Variants in ANKRD12 observed in about 807,000 individuals in gnomAD.
The protein encoded by ANKRD12 is ankyrin repeat domain-containing protein 12.
A neutral mutation model predicts 183.4 loss-of-function variants in ANKRD12; 85 were observed. The observed-to-expected ratio is 0.46, with a 90% CI of 0.39 to 0.56. The LOEUF (loss-of-function observed/expected upper bound fraction) is 0.56. Ranked by LOEUF, ANKRD12 falls within the 20% of genes least tolerant of loss-of-function variation. ANKRD12 has a pLI of 0.00. For synonymous variants in ANKRD12, 914 were observed against 800.2 expected (o/e 1.14, Z -2.40); for missense variants, 2,405 against 2,357.1 (o/e 1.02, Z -0.42).
chr18:9,148,545 C>T (rs1327780992), intron 1 of ANKRD12, among the ~76,000 whole-genome samples: 1 of 152,058 alleles, frequency 6.6e-6, no homozygotes, highest in Non-Finnish European at 1.5e-5. Context: ...TTATTTATTA[C>T]TATTAGAAGA....
At chr18:9,266,092 G>A (rs901675253) in intron 10 of ANKRD12, among the ~76,000 whole-genome samples, 1 of 152,184 alleles carries the variant, frequency 6.6e-6, no homozygotes, top group African/African-American at 2.4e-5. Flanking sequence ...AACGAACAAA[G>A]CCTCCAGGAA....
intron 1 of ANKRD12, among the ~76,000 whole-genome samples, chr18:9,139,886 A>G (rs2078258368): frequency 6.6e-6 from 1 of 151,912 alleles, no homozygotes; most frequent in Non-Finnish European, 1.5e-5. Context: ...GTCTGCAGCT[A>G]GTTAAAAACT....
At chr18:9,194,885 A>G (rs899802254) in intron 2 of ANKRD12, among the ~76,000 whole-genome samples, 5 of 152,208 alleles carry the variant, frequency 3.3e-5, no homozygotes, top group Non-Finnish European at 5.9e-5. Flanking sequence ...ATACATGCCT[A>G]TGTTCATTGC....
rs530011546 is a variant in ANKRD12 at position 9,179,601 on chromosome 18, G to A, written c.-51-2781G>A. On this transcript the variant is annotated intron_variant, in intron 1 of 12. Transcript: ENST00000262126. ...CGTGATCATGGCTCACTGCAGCCTC[G>A]ACCTCCTGGGCTCAAGCAATCCTCC... is the stretch of plus-strand genomic sequence containing the variant. 1.4e-4 allele frequency among the ~76,000 whole-genome samples: 22 copies of A among 152,050 alleles called. No homozygotes were observed. The South Asian group carries it at 4.6e-3, about 32-fold the overall frequency.
chr18:9,259,379 C>G (rs1259265484), intron 9 of ANKRD12: 1 of 150,388 alleles, frequency 6.6e-6, no homozygotes, highest in East Asian at 1.9e-4. Context: ...ACGTGTTTAA[C>G]AACATAAACA....
intron 8 of ANKRD12, among the ~76,000 whole-genome samples, chr18:9,232,789 T>C (rs2037125543): frequency 6.6e-6 from 1 of 152,192 alleles, no homozygotes; most frequent in Non-Finnish European, 1.5e-5. Context: ...CACAAAGACT[T>C]TGTTCATTCT....
At chr18:9,193,776 C>T (rs1474107463) in intron 2 of ANKRD12, among the ~76,000 whole-genome samples, 1 of 152,154 alleles carries the variant, frequency 6.6e-6, no homozygotes, top group Non-Finnish European at 1.5e-5. Flanking sequence ...TAAATTATCA[C>T]TTATTATCAT....
In ANKRD12 at chr18:9,281,220, T is replaced by C; in HGVS notation, c.*94T>C. ...CTTTTGACAAAAATACTCATGCCTT[T>C]ACAATTGTTAGTAAAGTTCGATTAT... On this transcript the variant is annotated 3_prime_UTR_variant, in exon 13 of 13. Coordinates refer to ENST00000262126, the MANE Select transcript of ANKRD12 (RefSeq NM_015208.5). 1.9e-6 allele frequency: 2 copies of C among 1,025,874 alleles called. No homozygotes were observed. Among genetic ancestry groups the C allele is most frequent in the Non-Finnish European group, 1.4e-6 (1 of 709,526 alleles). 63.5% of individuals were successfully genotyped at this position (1,025,874 alleles called of 1,614,324 possible).
chr18:9,225,847 T>C (rs2036674728), intron 8 of ANKRD12, among the ~76,000 whole-genome samples: 1 of 152,250 alleles, frequency 6.6e-6, no homozygotes, highest in African/African-American at 2.4e-5. Flanking sequence ...CAAAGAATTG[T>C]ATAATGAACA....
intron 8 of ANKRD12, among the ~76,000 whole-genome samples, chr18:9,243,297 T>C (rs2037764364): frequency 6.6e-6 from 1 of 152,158 alleles, no homozygotes; most frequent in East Asian, 1.9e-4. Flanking sequence ...ATCTCTGAAA[T>C]TCAGAGTCAG....
At position 9,180,125 on chromosome 18, in the gene ANKRD12, T is replaced by C. The variant is rs145012929; in HGVS notation, c.-51-2257T>C. 6.3e-3 allele frequency among the ~76,000 whole-genome samples: 964 copies of C among 152,336 alleles called. 7 individuals are homozygous for C. Among genetic ancestry groups the C allele is most frequent in the Middle Eastern group, 0.017 (5 of 294 alleles). ...CAGTTGGCCGTTTTTGTTTCATGTA[T>C]TTTGAAGCTCTGTTGTTGGTTGCAT... is the stretch of plus-strand genomic sequence containing the variant. On this transcript the variant is annotated intron_variant, in intron 1 of 12. Coordinates refer to ENST00000262126, the MANE Select transcript of ANKRD12 (RefSeq NM_015208.5).
intron 2 of ANKRD12, among the ~76,000 whole-genome samples, chr18:9,188,888 C>T (rs1245512146): frequency 6.6e-6 from 1 of 152,172 alleles, no homozygotes; most frequent in East Asian, 1.9e-4. Flanking sequence ...TTGGGCCTTC[C>T]TATTTCCTAA....
At chr18:9,157,069 G>A (rs758668481) in intron 1 of ANKRD12, among the ~76,000 whole-genome samples, 4 of 152,182 alleles carry the variant, frequency 2.6e-5, no homozygotes, top group Admixed American at 6.5e-5. Context: ...GCATGACAGT[G>A]TGGATGTTAC....
intron 5 of ANKRD12, among the ~76,000 whole-genome samples, chr18:9,210,828 T>C (rs2035763665): frequency 6.6e-6 from 1 of 151,644 alleles, no homozygotes; most frequent in African/African-American, 2.4e-5. Context: ...TTTAAACTGG[T>C]AAAAATTATT....
At chr18:9,207,848 TC>T (rs1312971425) in intron 4 of ANKRD12, among the ~76,000 whole-genome samples, 2 of 152,096 alleles carry the variant, frequency 1.3e-5, no homozygotes, top group African/African-American at 4.8e-5. Context: ...CTGCCTTAAC[TC>T]CCAGAGAAGT....
chr18:9,174,110 G>A (rs891058306), intron 1 of ANKRD12, among the ~76,000 whole-genome samples: 1 of 152,212 alleles, frequency 6.6e-6, no homozygotes, highest in South Asian at 2.1e-4. Flanking sequence ...GTGCTGCCCT[G>A]TGAGGGACTC....
At chr18:9,239,743 T>C (rs1473043345) in intron 8 of ANKRD12, among the ~76,000 whole-genome samples, 2 of 152,226 alleles carry the variant, frequency 1.3e-5, no homozygotes, top group Non-Finnish European at 2.9e-5. Flanking sequence ...TGAAGCCAGA[T>C]AGCATTATCT....
intron 10 of ANKRD12, among the ~76,000 whole-genome samples, chr18:9,267,842 T>C (rs1247782476): frequency 2.0e-5 from 3 of 152,038 alleles, no homozygotes; most frequent in African/African-American, 7.2e-5. Context: ...AGCTGGTTTT[T>C]TGAAAAGATC....
chr18:9,161,752 G>A lies in ANKRD12; in HGVS notation c.-51-20630G>A, dbSNP rs561124293. 1.8e-3 allele frequency among the ~76,000 whole-genome samples: 265 copies of A among 151,010 alleles called. 1 individual carries two copies. Among genetic ancestry groups the A allele is most frequent in the African/African-American group, 5.5e-3 (227 of 41,100 alleles). ...GTGATATGTTGATGTGTGTGTGTGT[G>A]TATATATATATAAAATATATATATA... On this transcript the variant is annotated intron_variant, in intron 1 of 12. Transcript: ENST00000262126.
Sources: allele counts gnomAD v4.1 joint callset (sites outside exome capture counted in the v4.1 genomes callset), GRCh38; gene constraint gnomAD v4.1.1; transcripts MANE v1.5; gene names NCBI Gene and HGNC (gene_info 2026-07-23, HGNC 2026-07-21).